The following LOXL2 variants were observed in gnomAD, a reference collection of about 807,000 sequenced individuals.
The protein encoded by LOXL2 is lysyl oxidase homolog 2.
A neutral mutation model predicts 93.0 loss-of-function variants in LOXL2; 70 were observed. That is an observed-to-expected ratio of 0.75 (90% confidence interval 0.62 to 0.92). The LOEUF (loss-of-function observed/expected upper bound fraction) is 0.92, where lower values mean the gene tolerates loss of function less well. Among genes scored for constraint, LOXL2 ranks in the 40% least tolerant of loss-of-function variants. The probability of loss-of-function intolerance (pLI) is 0.00; values close to 1 mark genes in which losing one functional copy is unlikely to be tolerated. For synonymous variants in LOXL2, 438 were observed against 413.2 expected (o/e 1.06, Z -0.73); for missense variants, 973 against 1,054.9 (o/e 0.92, Z 1.08).
intron 7 of LOXL2, 51 bp downstream of exon 7, chr8:23,322,079 T>C (rs371499766): frequency 1.9e-5 from 30 of 1,595,528 alleles, no homozygotes; most frequent in Non-Finnish European, 2.4e-5. Flanking sequence ...TCTGTGGCTA[T>C]ACTTTCTGCA....
intron 10 of LOXL2, among the ~76,000 whole-genome samples, chr8:23,305,785 G>A (rs891613236): frequency 1.3e-5 from 2 of 151,814 alleles, no homozygotes; most frequent in African/African-American, 4.8e-5. Context: ...GCCTTCTACC[G>A]TGAGACTCCA....
At chr8:23,323,308 C>G (rs982865157) in intron 6 of LOXL2, among the ~76,000 whole-genome samples, 8 of 152,198 alleles carry the variant, frequency 5.3e-5, no homozygotes, top group African/African-American at 1.9e-4. Context: ...AGAGAAAACC[C>G]TATGTTAGGA....
At chr8:23,328,053 CG>C (rs35882369) in intron 6 of LOXL2, among the ~76,000 whole-genome samples, 87,617 of 151,736 alleles carry the variant, frequency 0.58, 27,702 homozygotes, top group Middle Eastern at 0.73. Context: ...AGAACCCTGG[CG>C]TTTTTTGGTA....
intron 10 of LOXL2, among the ~76,000 whole-genome samples, chr8:23,306,656 A>G (rs1289696652): frequency 1.3e-5 from 2 of 152,242 alleles, no homozygotes; most frequent in Non-Finnish European, 2.9e-5. Context: ...CTTTGCAGCA[A>G]TGCCATCCCT....
At chr8:23,390,093 G>T (rs537588662) in intron 1 of LOXL2, among the ~76,000 whole-genome samples, 1 of 152,236 alleles carries the variant, frequency 6.6e-6, no homozygotes, top group Admixed American at 6.5e-5. Flanking sequence ...GCTAGGGTGG[G>T]GTCTCTCTCC....
intron 1 of LOXL2, among the ~76,000 whole-genome samples, chr8:23,387,051 G>A (rs938129695): frequency 1.3e-5 from 2 of 152,182 alleles, no homozygotes; most frequent in Non-Finnish European, 2.9e-5. Flanking sequence ...GGAGTGGGTC[G>A]TAATTAAAGG....
intron 1 of LOXL2, among the ~76,000 whole-genome samples, chr8:23,382,200 T>G (rs1186867317): frequency 6.6e-6 from 1 of 152,232 alleles, no homozygotes; most frequent in East Asian, 1.9e-4. Flanking sequence ...CTCTGTGAAG[T>G]AGACACATTC....
chr8:23,306,946 C>A (rs1415600996), intron 10 of LOXL2, among the ~76,000 whole-genome samples: 1 of 152,232 alleles, frequency 6.6e-6, no homozygotes, highest in Admixed American at 6.5e-5. Flanking sequence ...TCCTCCAGGT[C>A]TGGTTTTCGA....
At position 23,328,746 on chromosome 8, in the gene LOXL2, T is replaced by TGTGC. The variant is rs1554477861; in HGVS notation, c.967-182_967-181insGCAC. 8.3e-6 allele frequency: 5 copies of TGTGC among 600,084 alleles called. No individual in the cohort carries two copies. In the African/African-American group the frequency reaches 9.9e-5, roughly 12 times the overall value. The allele number at this position is 600,084 out of a possible 1,614,324, so 37.2% of individuals were successfully genotyped here. On this transcript the variant is annotated intron_variant, in intron 5 of 13. Coordinates refer to ENST00000389131, the MANE Select transcript of LOXL2 (RefSeq NM_002318.3). ...GTGTGTGTGTGTGTGTGTGTGTGTG[T>TGTGC]CGTGGGTGTGTTGGGGTGTGGGAGC...
chr8:23,297,734 AAG>A lies in LOXL2; in HGVS notation c.*307_*308del. ...GTGAGCTCGGTGGCTTGAATGGGAC[AAG>A]CTGATGACAACCTGTCTGTGGGCCT... On this transcript the variant is annotated 3_prime_UTR_variant, in exon 14 of 14. Transcript: ENST00000389131. 4.2e-6 allele frequency: 1 copy of A among 237,238 alleles called. No individual in the cohort carries two copies. Among genetic ancestry groups the A allele is most frequent in the South Asian group, 1.0e-4 (1 of 9,544 alleles). The allele number at this position is 237,238 out of a possible 1,614,324, so 14.7% of individuals were successfully genotyped here. A position where few individuals can be genotyped will look rare whatever the true frequency, so the allele number is the denominator to read the frequency against.
At chr8:23,383,149 C>T (rs1804703803) in intron 1 of LOXL2, among the ~76,000 whole-genome samples, 1 of 152,138 alleles carries the variant, frequency 6.6e-6, no homozygotes, top group Non-Finnish European at 1.5e-5. Context: ...TGTGGGCCCT[C>T]TTGCCTCTCC....
intron 11 of LOXL2, 71 bp from the exon 12 acceptor site, chr8:23,302,234 C>T (rs1803146715): frequency 4.4e-6 from 7 of 1,587,940 alleles, no homozygotes; most frequent in South Asian, 1.1e-5. Context: ...CTTCCTGCTT[C>T]CAAGGCCCCT....
intron 8 of LOXL2, among the ~76,000 whole-genome samples, chr8:23,319,459 C>T (rs1301129841): frequency 6.6e-6 from 1 of 152,126 alleles, no homozygotes; most frequent in African/African-American, 2.4e-5. Context: ...CAGACCAGAG[C>T]GGGTTTCAAG....
intron 1 of LOXL2, among the ~76,000 whole-genome samples, chr8:23,383,228 G>A (rs568624925): frequency 6.6e-6 from 1 of 152,106 alleles, no homozygotes; most frequent in African/African-American, 2.4e-5. Flanking sequence ...GGGTGTCTTG[G>A]AATCAGAACA....
At position 23,309,916 on chromosome 8, in the gene LOXL2, G is replaced by C. The variant is rs772335076; in HGVS notation, c.1637-5C>G. 6.8e-7 allele frequency: 1 copy of C among 1,466,580 alleles called. No individual in the cohort carries two copies. The highest frequency in any genetic ancestry group is 1.4e-5 in the African/African-American group (1 of 69,830). The allele number at this position is 1,466,580 out of a possible 1,614,324, so 90.8% of individuals were successfully genotyped here. A position where few individuals can be genotyped will look rare whatever the true frequency, so the allele number is the denominator to read the frequency against. ...TGAGGACCAGGTCAGGGGCGGCTGCGGAGGATGGCATGCTGGTCAACAAGG... is the reference window on the plus strand; with the variant it reads ...TGAGGACCAGGTCAGGGGCGGCTGCCGAGGATGGCATGCTGGTCAACAAGG... On this transcript the variant is annotated splice_region_variant and splice_polypyrimidine_tract_variant and intron_variant, in intron 9 of 13. Coordinates refer to ENST00000389131, the MANE Select transcript of LOXL2 (RefSeq NM_002318.3).
At chr8:23,394,396 G>GAAAAAAAA in intron 1 of LOXL2, among the ~76,000 whole-genome samples, 1 of 64,352 alleles carries the variant, frequency 1.6e-5, no homozygotes, top group South Asian at 5.6e-4. Flanking sequence ...CTGTCTCAGA[G>GAAAAAAAA]AAAAAAAAAA....
At chr8:23,377,130 G>A (rs1485517139) in intron 1 of LOXL2, among the ~76,000 whole-genome samples, 2 of 152,110 alleles carry the variant, frequency 1.3e-5, no homozygotes, top group African/African-American at 4.8e-5. Context: ...AGAGATTCTG[G>A]TATGTTGTGT....
chr8:23,394,261 C>T (rs1022189409), intron 1 of LOXL2, among the ~76,000 whole-genome samples: 7 of 151,936 alleles, frequency 4.6e-5, no homozygotes, highest in Admixed American at 1.3e-4. Context: ...GATACGGTAG[C>T]GCGTGCCTGT....
intron 2 of LOXL2, among the ~76,000 whole-genome samples, chr8:23,366,705 T>C (rs1804407145): frequency 6.6e-6 from 1 of 152,216 alleles, no homozygotes; most frequent in Non-Finnish European, 1.5e-5. Context: ...TTTAGTCCAG[T>C]AGCCAGACTT....
Sources: allele counts gnomAD v4.1 joint callset (sites outside exome capture counted in the v4.1 genomes callset), GRCh38; gene constraint gnomAD v4.1.1; transcripts MANE v1.5; gene names NCBI Gene and HGNC (gene_info 2026-07-23, HGNC 2026-07-21).